Variants in IL1RAPL2 observed in about 807,000 individuals in gnomAD.
The protein encoded by IL1RAPL2 is interleukin 1 receptor accessory protein like 2, also known as X-linked interleukin-1 receptor accessory protein-like 2.
Under a neutral mutation model 44.1 loss-of-function variants are expected in IL1RAPL2, and 3 were observed. That is an observed-to-expected ratio of 0.07 (90% CI 0.03 to 0.18). The LOEUF (loss-of-function observed/expected upper bound fraction) is 0.18, where lower values mean the gene tolerates loss of function less well. Among genes scored for constraint, IL1RAPL2 ranks in the 10% least tolerant of loss-of-function variants. The pLI is 1.00. For missense variants in IL1RAPL2, 391 were observed against 496.4 expected (o/e 0.79, Z 2.02); for synonymous variants, 181 against 178.8 (o/e 1.01, Z -0.10).
chrX:105,294,533 T>A (rs943069744), intron 5 of IL1RAPL2, among the ~76,000 whole-genome samples: 2 of 112,177 alleles, frequency 1.8e-5, no homozygotes, highest in South Asian at 7.3e-4. Flanking sequence ...GTAAGCCAAA[T>A]GAAAAAGTAA....
Position 105,713,793 on chromosome X carries a change from C to G in IL1RAPL2, c.773-3574C>G, listed in dbSNP as rs368599390. 3.6e-5 allele frequency among the ~76,000 whole-genome samples: 4 copies of G among 110,697 alleles called. No homozygotes were observed. The East Asian group carries it at 1.1e-3, about 31-fold the overall frequency. On this transcript the variant is annotated intron_variant, in intron 6 of 10. Transcript: ENST00000372582. ...TGGCTTGTTTCTATGCGTATTAATT[C>G]CTTTAACAAATGGTTGCTTGGCCAC...
chrX:105,012,585 GCTAA>G (rs1375716037), intron 2 of IL1RAPL2, among the ~76,000 whole-genome samples: 1 of 79,817 alleles, frequency 1.3e-5, no homozygotes, highest in Non-Finnish European at 2.4e-5. Flanking sequence ...CACAGGCAAG[GCTAA>G]CTTTCTCTTT....
At chrX:105,622,962 T>C (rs2037430299) in intron 6 of IL1RAPL2, among the ~76,000 whole-genome samples, 1 of 111,105 alleles carries the variant, frequency 9.0e-6, no homozygotes, top group African/African-American at 3.3e-5. Flanking sequence ...AAACCTTCTG[T>C]CTTTGTGACT....
chrX:105,609,963 C>G (rs192679106), intron 6 of IL1RAPL2, among the ~76,000 whole-genome samples: 1 of 111,896 alleles, frequency 8.9e-6, no homozygotes, highest in East Asian at 2.8e-4. Flanking sequence ...ATGATGTTTT[C>G]TTTGATAGAT....
chrX:105,728,473 A>G (rs2038371352), intron 7 of IL1RAPL2, among the ~76,000 whole-genome samples: 1 of 112,078 alleles, frequency 8.9e-6, no homozygotes, highest in African/African-American at 3.2e-5. Flanking sequence ...ACCATAAACA[A>G]GTAGTTCCAG....
chrX:105,143,797 T>A (rs139742441), intron 2 of IL1RAPL2, among the ~76,000 whole-genome samples: 64 of 109,524 alleles, frequency 5.8e-4, no homozygotes, highest in African/African-American at 2.0e-3. Context: ...AATGAGAACA[T>A]ATGGACACAG....
chrX:104,984,941 TATTA>T (rs772126832), intron 2 of IL1RAPL2, among the ~76,000 whole-genome samples: 2 of 112,084 alleles, frequency 1.8e-5, no homozygotes, highest in South Asian at 3.7e-4. Flanking sequence ...AAACTTATCA[TATTA>T]ATTAAAGCAT....
chrX:105,409,807 T>TATAGATAGATAGATAGATAGATAG (rs764698139), intron 5 of IL1RAPL2, among the ~76,000 whole-genome samples: 18 of 89,416 alleles, frequency 2.0e-4, no homozygotes, highest in African/African-American at 1.8e-4. Flanking sequence ...GGCTTTGATT[T>TATAGATAGATAGATAGATAGATAG]ATAGATAGAT....
intron 6 of IL1RAPL2, among the ~76,000 whole-genome samples, chrX:105,564,318 AT>A (rs1163670332): frequency 8.9e-6 from 1 of 111,892 alleles, no homozygotes; most frequent in Non-Finnish European, 1.9e-5. Flanking sequence ...GATTTCAGGA[AT>A]TGGCATGTGT....
chrX:104,945,771 G>A (rs1484378462), intron 2 of IL1RAPL2, among the ~76,000 whole-genome samples: 1 of 111,845 alleles, frequency 8.9e-6, no homozygotes, highest in Non-Finnish European at 1.9e-5. Context: ...CTGTCCTATT[G>A]CAATAAGTAC....
At chrX:104,798,673 A>G (rs751032279) in intron 2 of IL1RAPL2, among the ~76,000 whole-genome samples, 1 of 110,820 alleles carries the variant, frequency 9.0e-6, no homozygotes, top group African/African-American at 3.3e-5. Context: ...CTCAAAAAAA[A>G]ATTTACAAGC....
intron 6 of IL1RAPL2, among the ~76,000 whole-genome samples, chrX:105,497,856 T>C (rs910120642): frequency 4.5e-5 from 5 of 111,964 alleles, no homozygotes; most frequent in Non-Finnish European, 9.4e-5. Flanking sequence ...AATAGATACA[T>C]ACAAAGCATG....
intron 2 of IL1RAPL2, among the ~76,000 whole-genome samples, chrX:104,693,836 C>G (rs1053108047): frequency 9.0e-6 from 1 of 111,551 alleles, no homozygotes; most frequent in Non-Finnish European, 1.9e-5. Context: ...AATTCAGCTC[C>G]CCCAATATTA....
At chrX:105,004,540 A>G (rs985720760) in intron 2 of IL1RAPL2, among the ~76,000 whole-genome samples, 7 of 110,763 alleles carry the variant, frequency 6.3e-5, no homozygotes, top group Admixed American at 9.6e-5. Context: ...CTCTGAGTTC[A>G]GCAATATAAT....
chrX:105,743,613 C>T (rs1296719859), intron 8 of IL1RAPL2, among the ~76,000 whole-genome samples: 1 of 111,530 alleles, frequency 9.0e-6, no homozygotes, highest in Non-Finnish European at 1.9e-5. Flanking sequence ...TTGTCTATTA[C>T]TATTGGATAT....
intron 2 of IL1RAPL2, among the ~76,000 whole-genome samples, chrX:104,942,409 C>G (rs778169157): frequency 9.0e-6 from 1 of 110,863 alleles, no homozygotes; most frequent in Non-Finnish European, 1.9e-5. Flanking sequence ...TTGAAGAGGT[C>G]CTTCACATCC....
chrX:105,247,321 C>T (rs2034227990), intron 4 of IL1RAPL2, among the ~76,000 whole-genome samples: 1 of 110,778 alleles, frequency 9.0e-6, no homozygotes, highest in South Asian at 3.8e-4. Context: ...ACTATGATTG[C>T]TCCACTACAT....
chrX:105,574,152 G>A (rs138289374), intron 6 of IL1RAPL2, among the ~76,000 whole-genome samples: 37 of 112,027 alleles, frequency 3.3e-4, no homozygotes, highest in African/African-American at 1.1e-3. Flanking sequence ...ATTATTCATC[G>A]GGTTTGTAAA....
intron 2 of IL1RAPL2, among the ~76,000 whole-genome samples, chrX:105,159,769 C>T (rs1437875872): frequency 8.9e-6 from 1 of 111,996 alleles, no homozygotes; most frequent in Non-Finnish European, 1.9e-5. Context: ...GTTCACTCTG[C>T]TTTCTGCAAG....
Sources: gnomAD v4.1 joint callset for allele counts (sites outside exome capture counted in the v4.1 genomes callset) on GRCh38, gnomAD v4.1.1 for gene constraint, MANE v1.5 for transcripts, NCBI Gene and HGNC (gene_info 2026-07-23, HGNC 2026-07-21) for gene names.